SNTG1: variants seen among roughly 807,000 people sequenced by gnomAD.
SNTG1 encodes the protein syntrophin gamma 1.
SNTG1 carries 39 observed loss-of-function variants against 74.7 expected under a neutral mutation model. The observed-to-expected ratio is 0.52, with a 90% CI of 0.40 to 0.68. The LOEUF is 0.68. SNTG1 is among the 30% of genes least tolerant of loss of function. The pLI is 0.00. For synonymous variants in SNTG1, 254 were observed against 217.1 expected, an observed-to-expected ratio of 1.17 and a Z score of -1.49; for missense variants, 685 against 609.5, an observed-to-expected ratio of 1.12 and a Z score of -1.30.
At chr8:50,069,685 C>G (rs973488846) in intron 1 of SNTG1, among the ~76,000 whole-genome samples, 5 of 132,348 alleles carry the variant, frequency 3.8e-5, no homozygotes, top group African/African-American at 5.5e-5. Flanking sequence ...TTTTAAAACC[C>G]CCACTGTGTT....
chr8:50,291,685 C>T (rs1465515663), intron 2 of SNTG1, among the ~76,000 whole-genome samples: 2 of 152,058 alleles, frequency 1.3e-5, no homozygotes, highest in Non-Finnish European at 2.9e-5. Flanking sequence ...TAAAAAATTA[C>T]TCTGGCAACT....
intron 17 of SNTG1, among the ~76,000 whole-genome samples, chr8:50,728,182 C>T (rs1306135016): frequency 1.3e-5 from 2 of 152,260 alleles, no homozygotes; most frequent in Non-Finnish European, 2.9e-5. Context: ...CAGGTCTATT[C>T]CACCACACCT....
intron 2 of SNTG1, among the ~76,000 whole-genome samples, chr8:50,369,123 A>C: frequency 6.6e-6 from 1 of 152,142 alleles, no homozygotes; most frequent in East Asian, 1.9e-4. Flanking sequence ...AAGAACATGG[A>C]TTTGGGGGAA....
chr8:50,465,779 C>T (rs2093604227), intron 8 of SNTG1, among the ~76,000 whole-genome samples: 1 of 152,086 alleles, frequency 6.6e-6, no homozygotes, highest in South Asian at 2.1e-4. Context: ...GGCTTGAAAG[C>T]TCTTTTTGTT....
intron 2 of SNTG1, among the ~76,000 whole-genome samples, chr8:50,214,699 A>G (rs2084693458): frequency 6.6e-6 from 1 of 152,164 alleles, no homozygotes; most frequent in African/African-American, 2.4e-5. Context: ...CTAAGCCTAT[A>G]TCTCTAATAA....
intron 1 of SNTG1, among the ~76,000 whole-genome samples, chr8:50,057,125 T>A (rs1332753024): frequency 6.6e-6 from 1 of 152,162 alleles, no homozygotes; most frequent in Non-Finnish European, 1.5e-5. Flanking sequence ...ATAAATTACG[T>A]GGACAGCCTC....
At chr8:50,290,914 C>T (rs1356287898) in intron 2 of SNTG1, among the ~76,000 whole-genome samples, 1 of 151,970 alleles carries the variant, frequency 6.6e-6, no homozygotes, top group East Asian at 1.9e-4. Flanking sequence ...CACACTAACA[C>T]ACCTGGCTAA....
intron 2 of SNTG1, among the ~76,000 whole-genome samples, chr8:50,255,945 C>T (rs1045336031): frequency 6.6e-6 from 1 of 152,138 alleles, no homozygotes; most frequent in Middle Eastern, 3.2e-3. Flanking sequence ...CCCTACCTTG[C>T]CTATAAGACC....
intron 2 of SNTG1, among the ~76,000 whole-genome samples, chr8:50,202,194 CT>C (rs1181256827): frequency 6.6e-6 from 1 of 152,042 alleles, no homozygotes; most frequent in Non-Finnish European, 1.5e-5. Context: ...CCCAATCCTC[CT>C]TTTTTTAAAT....
chr8:50,792,356 G>T (rs900245328), intron 18 of SNTG1, among the ~76,000 whole-genome samples: 1 of 151,714 alleles, frequency 6.6e-6, no homozygotes, highest in Non-Finnish European at 1.5e-5. Context: ...GTACTTCCAA[G>T]TTTATCTTTA....
chr8:50,191,857 C>T (rs1443192288), intron 2 of SNTG1, among the ~76,000 whole-genome samples: 1 of 152,032 alleles, frequency 6.6e-6, no homozygotes, highest in Non-Finnish European at 1.5e-5. Flanking sequence ...TATATTGTCT[C>T]AGTTAGCCTA....
intron 1 of SNTG1, among the ~76,000 whole-genome samples, chr8:50,010,785 C>CTTTT (rs774350614): frequency 9.2e-4 from 82 of 88,932 alleles, no homozygotes; most frequent in East Asian, 1.6e-3. Context: ...ACAGGCCTCT[C>CTTTT]TTTTTTTTTT....
intron 11 of SNTG1, among the ~76,000 whole-genome samples, chr8:50,545,036 T>A (rs1433625859): frequency 6.6e-6 from 1 of 152,052 alleles, no homozygotes; most frequent in Admixed American, 6.6e-5. Context: ...GATTTCATAT[T>A]TTGACTATTA....
chr8:49,924,974 AC>A (rs765982242), intron 1 of SNTG1, among the ~76,000 whole-genome samples: 2 of 150,918 alleles, frequency 1.3e-5, no homozygotes, highest in African/African-American at 2.4e-5. Context: ...ACAAAGTGAG[AC>A]CCCCCCATCA....
At chr8:50,598,718 CCTTT>C (rs1396503198) in intron 13 of SNTG1, among the ~76,000 whole-genome samples, 3 of 151,894 alleles carry the variant, frequency 2.0e-5, no homozygotes, top group Non-Finnish European at 4.4e-5. Flanking sequence ...ACACAGACTA[CCTTT>C]CTATTTGTTT....
intron 9 of SNTG1, among the ~76,000 whole-genome samples, chr8:50,524,683 A>G (rs954974702): frequency 2.1e-4 from 25 of 117,356 alleles, no homozygotes; most frequent in African/African-American, 1.6e-3. Context: ...TATAACAACT[A>G]CATACATATT....
chr8:50,087,050 G>T (rs1287854280), intron 1 of SNTG1, among the ~76,000 whole-genome samples: 2 of 152,146 alleles, frequency 1.3e-5, no homozygotes, highest in Non-Finnish European at 2.9e-5. Context: ...GTCTTGTCAG[G>T]ATTAAGAGTA....
chr8:50,197,876 T>C (rs886189061), intron 2 of SNTG1, among the ~76,000 whole-genome samples: 1 of 152,142 alleles, frequency 6.6e-6, no homozygotes, highest in Non-Finnish European at 1.5e-5. Flanking sequence ...TATATTTTCT[T>C]TTTTTATTTT....
At chr8:50,079,307 C>T (rs1358632522) in intron 1 of SNTG1, among the ~76,000 whole-genome samples, 3 of 152,148 alleles carry the variant, frequency 2.0e-5, no homozygotes, top group Non-Finnish European at 2.9e-5. Flanking sequence ...CTCTAATGAC[C>T]AGTGATAATC....
Sources: gnomAD v4.1 joint callset for allele counts (sites outside exome capture counted in the v4.1 genomes callset) on GRCh38, gnomAD v4.1.1 for gene constraint, MANE v1.5 for transcripts, NCBI Gene and HGNC (gene_info 2026-07-23, HGNC 2026-07-21) for gene names.